Variants in OPHN1 observed in about 807,000 individuals in gnomAD.
OPHN1 encodes the protein oligophrenin-1.
OPHN1 carries 11 observed loss-of-function variants against 60.7 expected under a neutral mutation model. The observed-to-expected ratio is 0.18, with a 90% CI of 0.11 to 0.30. The LOEUF (loss-of-function observed/expected upper bound fraction) is 0.30, where lower values mean the gene tolerates loss of function less well. Among genes scored for constraint, OPHN1 ranks in the 10% least tolerant of loss-of-function variants. The pLI is 1.00. For synonymous variants in OPHN1, 226 were observed against 222.6 expected, an observed-to-expected ratio of 1.02 and a Z score of -0.14; for missense variants, 449 against 611.0, an observed-to-expected ratio of 0.73 and a Z score of 2.80.
chrX:68,224,994 G>C (rs1163062588), intron 6 of OPHN1, among the ~76,000 whole-genome samples: 1 of 112,242 alleles, frequency 8.9e-6, no homozygotes, highest in Non-Finnish European at 1.9e-5. Context: ...GTGACAGACA[G>C]TACCTGGAAA....
chrX:68,358,505 G>A (rs1223908941), intron 2 of OPHN1, among the ~76,000 whole-genome samples: 2 of 111,670 alleles, frequency 1.8e-5, no homozygotes, highest in African/African-American at 3.2e-5. Flanking sequence ...AAGAGGCAGA[G>A]CACAGAACTA....
chrX:68,158,006 C>A (rs868632108), intron 15 of OPHN1, among the ~76,000 whole-genome samples: 1 of 110,927 alleles, frequency 9.0e-6, no homozygotes, highest in Non-Finnish European at 1.9e-5. Context: ...TGGAGTGCAG[C>A]GGCACAATCT....
At chrX:68,223,861 C>A (rs2077676171) in intron 6 of OPHN1, among the ~76,000 whole-genome samples, 1 of 110,972 alleles carries the variant, frequency 9.0e-6, no homozygotes, top group Non-Finnish European at 1.9e-5. Flanking sequence ...ATTATGATAT[C>A]AAATCATAAT....
In OPHN1 at chrX:68,053,506, C is replaced by T; in HGVS notation, c.2324+139G>A. The stretch of plus-strand genomic sequence containing the variant: ...AGTGGAATACTCCCAACAGGGCTGG[C>T]CTATGATATTTCCCTAGACTATAAA... On this transcript the variant is annotated intron_variant, in intron 22 of 24. Coordinates refer to ENST00000355520, the MANE Select transcript of OPHN1 (RefSeq NM_002547.3). 7 of 612,879 alleles carry T rather than the reference C, an allele frequency of 1.1e-5. No homozygotes were observed. The South Asian group carries it at 1.8e-4, about 16-fold the overall frequency. The allele number at this position is 612,879 out of a possible 1,213,427, so 50.5% of individuals were successfully genotyped here.
chrX:68,318,073 G>A (rs1802677568), intron 2 of OPHN1, among the ~76,000 whole-genome samples: 1 of 111,902 alleles, frequency 8.9e-6, no homozygotes. Flanking sequence ...GTTCAGCAAA[G>A]CTGCCCCATA....
intron 20 of OPHN1, among the ~76,000 whole-genome samples, chrX:68,072,513 AAGG>A (rs1392800909): frequency 3.9e-3 from 430 of 111,462 alleles, no homozygotes; most frequent in African/African-American, 0.013. Context: ...GTGTTTCAAG[AAGG>A]AGGAGTTAGT....
chrX:68,408,322 C>T (rs996259976), intron 2 of OPHN1, among the ~76,000 whole-genome samples: 8 of 111,911 alleles, frequency 7.1e-5, no homozygotes, highest in Non-Finnish European at 1.5e-4. Context: ...AATTCAATTC[C>T]ATTGTCACTT....
chrX:68,378,455 T>G (rs1364258786), intron 2 of OPHN1, among the ~76,000 whole-genome samples: 2 of 112,018 alleles, frequency 1.8e-5, no homozygotes, highest in Admixed American at 9.5e-5. Context: ...ATTGGTCAAA[T>G]TTTGGCTTTT....
chrX:68,365,333 G>C (rs1001694452), intron 2 of OPHN1, among the ~76,000 whole-genome samples: 2 of 110,787 alleles, frequency 1.8e-5, no homozygotes, highest in Non-Finnish European at 3.8e-5. Flanking sequence ...CGTGAGCAAG[G>C]TATAGGAGAT....
intron 15 of OPHN1, among the ~76,000 whole-genome samples, chrX:68,122,088 C>G (rs2077152718): frequency 9.0e-6 from 1 of 110,821 alleles, no homozygotes; most frequent in African/African-American, 3.3e-5. Context: ...CAACACGTTC[C>G]CAGCTGTGGT....
intron 5 of OPHN1, among the ~76,000 whole-genome samples, chrX:68,248,535 G>A (rs181782407): frequency 4.5e-5 from 5 of 111,615 alleles, no homozygotes. Context: ...CAGTTTGGAG[G>A]TTCCTTACAA....
At chrX:68,268,175 C>G (rs769335617) in intron 5 of OPHN1, among the ~76,000 whole-genome samples, 105 of 111,219 alleles carry the variant, frequency 9.4e-4, no homozygotes, top group African/African-American at 3.2e-3. Flanking sequence ...AGGAGCAGCT[C>G]GTACCATTCC....
intron 19 of OPHN1, among the ~76,000 whole-genome samples, chrX:68,084,064 A>G (rs1445208333): frequency 9.0e-6 from 1 of 110,856 alleles, no homozygotes; most frequent in Admixed American, 9.6e-5. Flanking sequence ...AAGTGAGCCC[A>G]TGCTGTTGGA....
chrX:68,196,233 T>G (rs1425732370), intron 12 of OPHN1, among the ~76,000 whole-genome samples: 1 of 112,245 alleles, frequency 8.9e-6, no homozygotes, highest in African/African-American at 3.2e-5. Context: ...TAGCCAGTTT[T>G]TCACTTGAAT....
intron 6 of OPHN1, among the ~76,000 whole-genome samples, chrX:68,225,440 C>T (rs753895952): frequency 8.9e-6 from 1 of 112,190 alleles, no homozygotes; most frequent in South Asian, 3.7e-4. Flanking sequence ...GGGTCCCTGA[C>T]CCCTGAGTAG....
intron 19 of OPHN1, among the ~76,000 whole-genome samples, chrX:68,082,267 T>G (rs915288638): frequency 9.8e-5 from 11 of 112,329 alleles, no homozygotes; most frequent in African/African-American, 3.6e-4. Context: ...TTTGTTGATA[T>G]TTTGACCTCC....
intron 2 of OPHN1, among the ~76,000 whole-genome samples, chrX:68,374,140 G>A (rs1034305384): frequency 1.8e-5 from 2 of 110,032 alleles, no homozygotes; most frequent in Non-Finnish European, 3.8e-5. Flanking sequence ...GGCGGATCAC[G>A]AGGTCAAGAG....
At chrX:68,167,006 G>A (rs1158418078) in intron 15 of OPHN1, among the ~76,000 whole-genome samples, 1 of 111,969 alleles carries the variant, frequency 8.9e-6, no homozygotes, top group African/African-American at 3.2e-5. Context: ...ACAAGCACAG[G>A]CAACCAAAGC....
intron 22 of OPHN1, among the ~76,000 whole-genome samples, 199 bp from the exon 23 acceptor site, chrX:68,052,789 T>C (rs1038587381): frequency 1.8e-5 from 2 of 112,325 alleles, no homozygotes; most frequent in Admixed American, 9.4e-5. Context: ...GCTGACACTC[T>C]TTATCCCCAT....
Sources: allele counts gnomAD v4.1 joint callset (sites outside exome capture counted in the v4.1 genomes callset), GRCh38; gene constraint gnomAD v4.1.1; transcripts MANE v1.5; gene names NCBI Gene and HGNC (gene_info 2026-07-23, HGNC 2026-07-21).